The following CCT6A variants were observed in gnomAD, a reference collection of about 807,000 sequenced individuals.
CCT6A encodes the protein T-complex protein 1 subunit zeta.
A neutral mutation model predicts 58.6 loss-of-function variants in CCT6A; 6 were observed. That is an observed-to-expected ratio of 0.10 (90% CI 0.06 to 0.20). CCT6A has a LOEUF of 0.20. Among genes scored for constraint, CCT6A ranks in the 10% least tolerant of loss-of-function variants. The pLI, the probability that CCT6A is intolerant of heterozygous loss-of-function variation, is 1.00. For synonymous variants in CCT6A, 245 were observed against 227.8 expected, an observed-to-expected ratio of 1.08 and a Z score of -0.68; for missense variants, 516 against 648.8, an observed-to-expected ratio of 0.80 and a Z score of 2.22.
At chr7:56,057,963 A>G (rs1429838426) in intron 5 of CCT6A, 30 bp from the exon 6 acceptor site, 2 of 1,172,020 alleles carry the variant, frequency 1.7e-6, no homozygotes, top group East Asian at 2.3e-5. Context: ...CTGAAAATCA[A>G]TAACCATAAT....
At chr7:56,058,243 A>G in intron 6 of CCT6A, 119 bp from the exon 7 acceptor site, 1 of 857,540 alleles carries the variant, frequency 1.2e-6, no homozygotes, top group Admixed American at 2.6e-5. Flanking sequence ...CAGTCTCTGA[A>G]GATGCATAAG....
chr7:56,056,325 C>A lies in CCT6A; in HGVS notation c.525C>A (p.Ser175=). The change falls in exon 5 of 14, where the codon TCC becomes TCA. Residue 175 remains serine, a synonymous_variant. Coordinates refer to ENST00000275603, the MANE Select transcript of CCT6A (RefSeq NM_001762.4). ...TCCAATTGCAGGCTGTAGTGGACTC[C>A]ATTTTGGCCATTAAAAAGCAAGATG... ...ADVLTEAVVD[S]ILAIKKQDEP... is the part of the protein sequence containing the mutation. The A allele has an allele frequency of 6.4e-7, 1 of 1,564,290 alleles. No individual in the cohort carries two copies. The highest frequency in any genetic ancestry group is 8.8e-7 in the Non-Finnish European group (1 of 1,134,698).
chr7:56,057,677 G>A (rs1794339302), intron 5 of CCT6A, among the ~76,000 whole-genome samples: 1 of 152,092 alleles, frequency 6.6e-6, no homozygotes, highest in Non-Finnish European at 1.5e-5. Context: ...TCAGGAGATC[G>A]AAACCATCCT....
intron 11 of CCT6A, 79 bp from the exon 12 acceptor site, chr7:56,061,668 C>CTTTTTTTTT (rs71015174): frequency 5.1e-5 from 16 of 312,666 alleles, no homozygotes; most frequent in African/African-American, 2.7e-4. Context: ...TTTCTTTTTT[C>CTTTTTTTTT]TTTTTTTTTT....
intron 5 of CCT6A, among the ~76,000 whole-genome samples, chr7:56,057,521 A>G (rs1300858101): frequency 6.6e-6 from 1 of 152,132 alleles, no homozygotes; most frequent in Non-Finnish European, 1.5e-5. Context: ...ACGTCATCAC[A>G]GTTTGACAGC....
Position 56,052,585 on chromosome 7 carries a change from A to AT in CCT6A, c.201+102dup, listed in dbSNP as rs1234458979. 5 of 1,015,970 alleles carry AT rather than the reference A, an allele frequency of 4.9e-6. No homozygotes were observed. The African/African-American group carries it at 7.9e-5, about 16-fold the overall frequency. The allele number at this position is 1,015,970 out of a possible 1,614,324, so 62.9% of individuals were successfully genotyped here. On this transcript the variant is annotated intron_variant, in intron 2 of 13. Coordinates refer to ENST00000275603, the MANE Select transcript of CCT6A (RefSeq NM_001762.4). ...GTGTCCATTTTCAAGGTAGGAGAACATTCAGAAGTGGCGTGTAATCAGTAA... is the reference window on the plus strand; with the variant it reads ...GTGTCCATTTTCAAGGTAGGAGAACATTTCAGAAGTGGCGTGTAATCAGTAA...
Position 56,051,794 on chromosome 7 carries a change from GCCGCGCCGGC to G in CCT6A, c.-54_-45del. The G allele has an allele frequency of 6.5e-7, 1 of 1,535,104 alleles. No individual in the cohort carries two copies. The highest frequency in any genetic ancestry group is 2.0e-5 in the Admixed American group (1 of 50,066). On this transcript the variant is annotated 5_prime_UTR_variant, in exon 1 of 14. Coordinates refer to ENST00000275603, the MANE Select transcript of CCT6A (RefSeq NM_001762.4). ...GACCCGGATAGTTCCTCCCGGCCAC[GCCGCGCCGGC>G]TCTGGGCACTCAGCATCGTTTCCTT...
intron 12 of CCT6A, among the ~76,000 whole-genome samples, chr7:56,062,459 CAGA>C (rs886183061): frequency 5.9e-5 from 9 of 152,246 alleles, no homozygotes; most frequent in Admixed American, 3.3e-4. Context: ...GAAATGTATC[CAGA>C]AGAAGAGAGG....
intron 5 of CCT6A, among the ~76,000 whole-genome samples, chr7:56,057,442 T>C (rs1004983335): frequency 2.6e-5 from 4 of 151,962 alleles, no homozygotes; most frequent in African/African-American, 9.7e-5. Context: ...GGGATTAAGG[T>C]GTCCTCTCAC....
chr7:56,058,567 C>T, intron 7 of CCT6A, 46 bp downstream of exon 7: 1 of 1,575,190 alleles, frequency 6.3e-7, no homozygotes, highest in East Asian at 2.2e-5. Flanking sequence ...ACGTATCATC[C>T]TTTTTACTTT....
chr7:56,060,980 G>A, intron 11 of CCT6A, 40 bp downstream of exon 11: 2 of 1,563,014 alleles, frequency 1.3e-6, no homozygotes, highest in South Asian at 1.2e-5. Context: ...AAAAGATTCA[G>A]CTGATCAAAC....
At chr7:56,062,506 T>C in intron 12 of CCT6A, 177 bp from the exon 13 acceptor site, 1 of 639,628 alleles carries the variant, frequency 1.6e-6, no homozygotes, top group Non-Finnish European at 2.8e-6. Context: ...AGTCAGACAT[T>C]CATCAAATAT....
intron 2 of CCT6A, among the ~76,000 whole-genome samples, chr7:56,053,969 GA>G (rs1794248253): frequency 6.6e-6 from 1 of 152,062 alleles, no homozygotes; most frequent in South Asian, 2.1e-4. Context: ...AGTTTTCTTT[GA>G]AAAAATTACA....
At chr7:56,060,988 A>G (rs1402823195) in intron 11 of CCT6A, 48 bp downstream of exon 11, 1 of 1,548,658 alleles carries the variant, frequency 6.5e-7, no homozygotes. Context: ...CAGCTGATCA[A>G]ACCTTTCTGA....
At chr7:56,052,803 TTTTTTA>T (rs1271661354) in intron 2 of CCT6A, among the ~76,000 whole-genome samples, 17 of 23,314 alleles carry the variant, frequency 7.3e-4, no homozygotes, top group African/African-American at 1.8e-3. Context: ...CTTTTTTTTT[TTTTTTA>T]ATTAGACGAA....
intron 10 of CCT6A, 78 bp from the exon 11 acceptor site, chr7:56,060,729 G>A: frequency 6.7e-7 from 1 of 1,484,850 alleles, no homozygotes; most frequent in Non-Finnish European, 9.2e-7. Context: ...GAAATTAATG[G>A]CTTTCATATG....
At chr7:56,053,511 G>T (rs1413770324) in intron 2 of CCT6A, among the ~76,000 whole-genome samples, 1 of 152,132 alleles carries the variant, frequency 6.6e-6, no homozygotes, top group Non-Finnish European at 1.5e-5. Context: ...CAGCACTTTG[G>T]CAGGCCAAGG....
intron 11 of CCT6A, among the ~76,000 whole-genome samples, chr7:56,061,189 G>T (rs939316925): frequency 6.6e-6 from 1 of 152,096 alleles, no homozygotes; most frequent in Admixed American, 6.6e-5. Context: ...TTATACTTGA[G>T]TACAAACTTG....
chr7:56,057,314 A>G (rs553566443), intron 5 of CCT6A, among the ~76,000 whole-genome samples: 1 of 152,106 alleles, frequency 6.6e-6, no homozygotes, highest in East Asian at 1.9e-4. Context: ...TTAAAAAAAT[A>G]TTTTTTTCAA....
Sources: allele counts gnomAD v4.1 joint callset (sites outside exome capture counted in the v4.1 genomes callset), GRCh38; gene constraint gnomAD v4.1.1; transcripts MANE v1.5; gene names NCBI Gene and HGNC (gene_info 2026-07-23, HGNC 2026-07-21).